Variants in SMIM20 observed in about 807,000 individuals in gnomAD.
SMIM20 encodes the protein mitochondrial translation regulation assembly intermediate of cytochrome c oxidase protein of 7 kDa.
SMIM20 carries 3 observed loss-of-function variants against 8.7 expected under a neutral mutation model. The observed-to-expected ratio is 0.34, with a 90% CI of 0.16 to 0.89. The LOEUF (loss-of-function observed/expected upper bound fraction) is 0.89, where lower values mean the gene tolerates loss of function less well. SMIM20 is among the 40% of genes least tolerant of loss of function. The pLI is 0.49. For missense variants in SMIM20, 85 were observed against 84.8 expected, an observed-to-expected ratio of 1.00 and a Z score of -0.01; for synonymous variants, 44 against 33.6, an observed-to-expected ratio of 1.31 and a Z score of -1.07.
chr4:25,927,038 C>CA (rs140619614), intron 1 of SMIM20, among the ~76,000 whole-genome samples: 2,435 of 152,278 alleles, frequency 0.016, 64 homozygotes, highest in African/African-American at 0.053. Flanking sequence ...GAAAGTCTAA[C>CA]ACTTTAGAGG....
chr4:25,928,221 T>C, intron 1 of SMIM20, 92 bp from the exon 2 acceptor site: 10 of 1,282,638 alleles, frequency 7.8e-6, no homozygotes, highest in African/African-American at 1.5e-5. Flanking sequence ...TACTGTTTTC[T>C]AATTGTCCCA....
intron 1 of SMIM20, among the ~76,000 whole-genome samples, chr4:25,927,858 A>G (rs539989381): frequency 1.3e-5 from 2 of 152,332 alleles, no homozygotes; most frequent in East Asian, 1.9e-4. Context: ...TCTATTTCCT[A>G]TCAAAAACAT....
At chr4:25,928,275 C>T (rs1711563341) in intron 1 of SMIM20, 38 bp from the exon 2 acceptor site, 1 of 1,541,608 alleles carries the variant, frequency 6.5e-7, no homozygotes, top group African/African-American at 1.4e-5. Flanking sequence ...TCTCCCCGCC[C>T]CCCTTCTAAA....
intron 1 of SMIM20, among the ~76,000 whole-genome samples, chr4:25,923,451 C>T (rs1719234050): frequency 6.6e-6 from 1 of 152,194 alleles, no homozygotes; most frequent in Non-Finnish European, 1.5e-5. Context: ...GGCTTGAGCT[C>T]ATTTCCGTCC....
chr4:25,923,867 C>T (rs1207005809), intron 1 of SMIM20, among the ~76,000 whole-genome samples: 1 of 152,240 alleles, frequency 6.6e-6, no homozygotes, highest in Non-Finnish European at 1.5e-5. Context: ...TGTTTTCTAA[C>T]TGGCATTACA....
At chr4:25,923,186 C>G (rs574246044) in intron 1 of SMIM20, among the ~76,000 whole-genome samples, 1 of 152,254 alleles carries the variant, frequency 6.6e-6, no homozygotes, top group South Asian at 2.1e-4. Context: ...GAGTCCCAGA[C>G]ACTTTTTAGC....
At chr4:25,923,150 G>A (rs1719227952) in intron 1 of SMIM20, among the ~76,000 whole-genome samples, 1 of 152,182 alleles carries the variant, frequency 6.6e-6, no homozygotes, top group Admixed American at 6.5e-5. Flanking sequence ...AGAAGTCTGG[G>A]TACAGTTCTG....
At chr4:25,915,869 G>GGGGGGA (rs1719082594) in intron 1 of SMIM20, among the ~76,000 whole-genome samples, 1 of 103,166 alleles carries the variant, frequency 9.7e-6, no homozygotes, top group Non-Finnish European at 2.0e-5. Context: ...CGGGGGGGGG[G>GGGGGGA]TCGAGTGTTG....
At chr4:25,919,938 G>A (rs1003491362) in intron 1 of SMIM20, among the ~76,000 whole-genome samples, 1 of 152,114 alleles carries the variant, frequency 6.6e-6, no homozygotes, top group Non-Finnish European at 1.5e-5. Context: ...CTTCACCCGC[G>A]TTCTTTACTC....
chr4:25,925,488 C>T (rs986884944), intron 1 of SMIM20, among the ~76,000 whole-genome samples: 9 of 152,144 alleles, frequency 5.9e-5, no homozygotes, highest in Admixed American at 1.3e-4. Context: ...CCACCCGCCT[C>T]GGCCTCCCAA....
chr4:25,926,833 T>C (rs1229671610), intron 1 of SMIM20, among the ~76,000 whole-genome samples: 1 of 152,244 alleles, frequency 6.6e-6, no homozygotes, highest in Non-Finnish European at 1.5e-5. Flanking sequence ...ATAGACCTTT[T>C]AGTTAGATAC....
At chr4:25,915,604 T>C (rs1719069247) in intron 1 of SMIM20, among the ~76,000 whole-genome samples, 1 of 152,178 alleles carries the variant, frequency 6.6e-6, no homozygotes, top group Admixed American at 6.5e-5. Context: ...CTTATCTGCA[T>C]GCACCATGCG....
chr4:25,923,586 T>C (rs1041558660), intron 1 of SMIM20, among the ~76,000 whole-genome samples: 2 of 152,170 alleles, frequency 1.3e-5, no homozygotes, highest in Non-Finnish European at 2.9e-5. Flanking sequence ...CAGTGAAGAA[T>C]GTTCAACAGC....
At position 25,916,586 on chromosome 4, in the gene SMIM20, C is replaced by G. The variant is rs550640531; in HGVS notation, c.109+2164C>G. Among the ~76,000 whole-genome samples, 35 of 142,124 alleles carry G rather than the reference C, an allele frequency of 2.5e-4. No homozygotes were observed. The South Asian group carries it at 6.4e-3, about 26-fold the overall frequency. The allele number at this position is 142,124 out of a possible 152,430, so 93.2% of individuals were successfully genotyped here. ...CTGATTCTTTTTTCTGAGACAGTCT[C>G]CCTCTGTCGCCCAGGCTGGAGTGCA... On this transcript the variant is annotated intron_variant, in intron 1 of 2. Coordinates refer to ENST00000506197, the MANE Select transcript of SMIM20 (RefSeq NM_001145432.3).
rs1711598925 is a variant in SMIM20, at chr4:25,929,720, T to C, written c.*529T>C. 2 of 152,304 alleles carry C rather than the reference T, an allele frequency of 1.3e-5. No individual in the cohort carries two copies. The highest frequency in any genetic ancestry group is 2.9e-5 in the Non-Finnish European group (2 of 68,136). The allele number at this position is 152,304 out of a possible 1,614,324, so 9.4% of individuals were successfully genotyped here. A position where few individuals can be genotyped will look rare whatever the true frequency, so the allele number is the denominator to read the frequency against. ...ATTGCACCGTGTTGGAAAATAAATATGAAGCAAGTCAAACTAGATGCATAC... is the reference window on the plus strand; with the variant it reads ...ATTGCACCGTGTTGGAAAATAAATACGAAGCAAGTCAAACTAGATGCATAC... On this transcript the variant is annotated 3_prime_UTR_variant, in exon 3 of 3. Coordinates refer to ENST00000506197, the MANE Select transcript of SMIM20 (RefSeq NM_001145432.3).
intron 1 of SMIM20, among the ~76,000 whole-genome samples, chr4:25,924,308 G>T (rs949985569): frequency 6.6e-6 from 1 of 152,094 alleles, no homozygotes; most frequent in Non-Finnish European, 1.5e-5. Context: ...TGGACTTTTC[G>T]TATGCATGTT....
intron 1 of SMIM20, among the ~76,000 whole-genome samples, chr4:25,923,720 G>A (rs994227350): frequency 6.6e-6 from 1 of 152,196 alleles, no homozygotes; most frequent in Non-Finnish European, 1.5e-5. Flanking sequence ...GGCAGCACAC[G>A]GTACTGGAAA....
intron 1 of SMIM20, among the ~76,000 whole-genome samples, chr4:25,925,668 A>G (rs1341169169): frequency 2.6e-5 from 4 of 152,192 alleles, no homozygotes; most frequent in Admixed American, 6.5e-5. Flanking sequence ...AGCACCCTCA[A>G]CGAATAATCC....
chr4:25,920,431 A>G (rs1719176118), intron 1 of SMIM20, among the ~76,000 whole-genome samples: 1 of 152,354 alleles, frequency 6.6e-6, no homozygotes, highest in South Asian at 2.1e-4. Context: ...AAAGATGTCT[A>G]TAGAATGAAG....
Sources: allele counts gnomAD v4.1 joint callset (sites outside exome capture counted in the v4.1 genomes callset), GRCh38; gene constraint gnomAD v4.1.1; transcripts MANE v1.5; gene names NCBI Gene and HGNC (gene_info 2026-07-23, HGNC 2026-07-21).